SRBD1: variants seen among roughly 807,000 people sequenced by gnomAD.
The protein encoded by SRBD1 is S1 RNA-binding domain-containing protein 1.
Under a neutral mutation model 115.3 loss-of-function variants are expected in SRBD1, and 88 were observed. The ratio of observed to expected loss-of-function variants is 0.76; its 90% CI spans 0.64 to 0.91. SRBD1 has a LOEUF of 0.91. Among genes scored for constraint, SRBD1 ranks in the 40% least tolerant of loss-of-function variants. SRBD1 has a pLI of 0.00. For missense variants in SRBD1, 1,385 were observed against 1,177.4 expected, an observed-to-expected ratio of 1.18 and a Z score of -2.58; for synonymous variants, 509 against 407.7, an observed-to-expected ratio of 1.25 and a Z score of -2.99.
chr2:45,585,101 G>A (rs562479752), intron 5 of SRBD1, among the ~76,000 whole-genome samples: 4 of 151,522 alleles, frequency 2.6e-5, no homozygotes, highest in African/African-American at 9.7e-5. Flanking sequence ...AGTGAGCTGA[G>A]ATTGCACCAC....
At chr2:45,511,728 T>C (rs2103926939) in intron 14 of SRBD1, among the ~76,000 whole-genome samples, 1 of 152,354 alleles carries the variant, frequency 6.6e-6, no homozygotes, top group South Asian at 2.1e-4. Context: ...AGAAGCCTCT[T>C]AGACTTGAAT....
At chr2:45,560,023 G>A (rs962090607) in intron 10 of SRBD1, among the ~76,000 whole-genome samples, 3 of 152,218 alleles carry the variant, frequency 2.0e-5, no homozygotes, top group Admixed American at 2.0e-4. Flanking sequence ...CAAGGCTGCA[G>A]TGAGCCAAGA....
intron 19 of SRBD1, among the ~76,000 whole-genome samples, chr2:45,403,514 G>C (rs982077227): frequency 6.6e-6 from 1 of 152,110 alleles, no homozygotes; most frequent in African/African-American, 2.4e-5. Flanking sequence ...GCAAGGGATA[G>C]AGAGGTAAAA....
In SRBD1 at chr2:45,418,457, C is replaced by A. The variant is rs1173390204; in HGVS notation, c.2241G>T (p.Gln747His). 6.2e-7 allele frequency: 1 copy of A among 1,613,686 alleles called. No individual in the cohort carries two copies. Among genetic ancestry groups the A allele is most frequent in the African/African-American group, 1.3e-5 (1 of 74,802 alleles). Residue 747 changes from glutamine (Q) to histidine (H), a missense_variant, in exon 18 of 21, where the codon CAG becomes CAT. Transcript: ENST00000263736. ...EKNGPFINRE[Q>H]LKKVKGLGPK... ...GGCCCAGCCCTTTCACTTTCTTCAG[C>A]TGTTCTCGGTTGATAAAGGGTCCAT...
chr2:45,488,171 T>G (rs867235067), intron 15 of SRBD1, 69 bp downstream of exon 15: 67 of 1,311,302 alleles, frequency 5.1e-5, no homozygotes, highest in Non-Finnish European at 7.4e-5. Flanking sequence ...TTTAGAATAT[T>G]TAGCATGCCA....
intron 14 of SRBD1, among the ~76,000 whole-genome samples, chr2:45,511,276 T>G (rs1371596755): frequency 6.6e-6 from 1 of 152,254 alleles, no homozygotes; most frequent in Non-Finnish European, 1.5e-5. Context: ...GGAAACTGAC[T>G]TGTTAGCAGT....
chr2:45,560,120 C>T (rs181376781), intron 10 of SRBD1, among the ~76,000 whole-genome samples: 58 of 152,034 alleles, frequency 3.8e-4, no homozygotes, highest in Admixed American at 6.6e-4. Context: ...AGAAAAACTT[C>T]CAAACCTGAC....
chr2:45,533,253 A>G (rs1671668647), intron 14 of SRBD1, among the ~76,000 whole-genome samples: 1 of 152,064 alleles, frequency 6.6e-6, no homozygotes. Flanking sequence ...ACACTGCTTA[A>G]TAGAAATACA....
chr2:45,411,542 T>C (rs1667603002), intron 19 of SRBD1, among the ~76,000 whole-genome samples: 2 of 152,152 alleles, frequency 1.3e-5, no homozygotes, highest in African/African-American at 4.8e-5. Context: ...TAGTTACCTC[T>C]GGGAGGTTGG....
chr2:45,496,090 C>G (rs887650374), intron 14 of SRBD1, among the ~76,000 whole-genome samples: 5 of 152,290 alleles, frequency 3.3e-5, no homozygotes, highest in African/African-American at 1.2e-4. Flanking sequence ...AATCTGAGAG[C>G]TGCACAGAGA....
At chr2:45,466,185 G>A (rs1669481975) in intron 16 of SRBD1, among the ~76,000 whole-genome samples, 1 of 152,136 alleles carries the variant, frequency 6.6e-6, no homozygotes, top group Non-Finnish European at 1.5e-5. Context: ...GCAGTTAGCA[G>A]GGAGTAGGTT....
At chr2:45,465,000 TACACACACACACACACACACACAC>T (rs58288876) in intron 16 of SRBD1, among the ~76,000 whole-genome samples, 2 of 120,222 alleles carry the variant, frequency 1.7e-5, no homozygotes, top group Non-Finnish European at 3.7e-5. Context: ...GTTGAGATTG[TACACACACACACACACACACACAC>T]ACACACACAC....
rs1674103883 is a variant in SRBD1 at position 45,601,908 on chromosome 2, C to T, written c.256G>A (p.Glu86Lys). ...TATCCAGCTGTAGCACCTACCAGCT[C>T]CTCCTTAACAACAACGACTTCTGAG... ...DGSEVVVVKE[E>K]LNSSVAIADT... The change falls in exon 3 of 21, where the codon GAG becomes AAG. Residue 86 changes from glutamate to lysine, a missense_variant. Coordinates refer to ENST00000263736, the MANE Select transcript of SRBD1 (RefSeq NM_018079.5). The T allele has an allele frequency of 1.9e-6, 3 of 1,614,078 alleles. No homozygotes were observed. The highest frequency in any genetic ancestry group is 1.7e-6 in the Non-Finnish European group (2 of 1,179,966).
At chr2:45,610,486 C>T (rs1333139772) in intron 1 of SRBD1, among the ~76,000 whole-genome samples, 1 of 152,200 alleles carries the variant, frequency 6.6e-6, no homozygotes. Context: ...AAACAGTTTA[C>T]TCAAAGGGGA....
At chr2:45,400,374 T>G (rs1667260281) in intron 19 of SRBD1, among the ~76,000 whole-genome samples, 1 of 152,074 alleles carries the variant, frequency 6.6e-6, no homozygotes, top group Admixed American at 6.6e-5. Context: ...CAGGCAAATA[T>G]TTTGAAGATG....
At chr2:45,552,647 TG>T (rs1672339185) in intron 11 of SRBD1, among the ~76,000 whole-genome samples, 1 of 152,238 alleles carries the variant, frequency 6.6e-6, no homozygotes. Flanking sequence ...TTAAAGTGTA[TG>T]CCCTAGCTCT....
intron 19 of SRBD1, among the ~76,000 whole-genome samples, chr2:45,408,217 G>A (rs951633810): frequency 6.6e-6 from 1 of 151,680 alleles, no homozygotes; most frequent in Non-Finnish European, 1.5e-5. Context: ...GAAGACACTT[G>A]TGTGAGAATA....
chr2:45,551,775 A>G (rs753686243), intron 11 of SRBD1, among the ~76,000 whole-genome samples: 18 of 152,226 alleles, frequency 1.2e-4, no homozygotes, highest in Non-Finnish European at 1.9e-4. Context: ...AAAACAGATC[A>G]CAAAGGGTCA....
chr2:45,423,763 T>C (rs1572625164), intron 16 of SRBD1, among the ~76,000 whole-genome samples: 1 of 152,144 alleles, frequency 6.6e-6, no homozygotes, highest in Non-Finnish European at 1.5e-5. Context: ...TTTGAACTGA[T>C]TTCCTATGAA....
Sources: gnomAD v4.1 joint callset for allele counts (sites outside exome capture counted in the v4.1 genomes callset) on GRCh38, gnomAD v4.1.1 for gene constraint, MANE v1.5 for transcripts, NCBI Gene and HGNC (gene_info 2026-07-23, HGNC 2026-07-21) for gene names.